The following ZRANB3 variants were observed in gnomAD, a reference collection of about 807,000 sequenced individuals.
ZRANB3 encodes DNA annealing helicase and endonuclease ZRANB3.
A neutral mutation model predicts 133.8 loss-of-function variants in ZRANB3; 125 were observed. The observed-to-expected ratio is 0.93, with a 90% confidence interval of 0.81 to 1.08. The LOEUF is 1.08. Among genes scored for constraint, ZRANB3 ranks in the 50% least tolerant of loss-of-function variants. The pLI is 0.00. For synonymous variants in ZRANB3, 387 were observed against 432.7 expected (o/e 0.89, Z 1.31); for missense variants, 1,229 against 1,275.5 (o/e 0.96, Z 0.56).
intron 2 of ZRANB3, among the ~76,000 whole-genome samples, chr2:135,405,540 C>T (rs1229786972): frequency 1.3e-5 from 2 of 152,170 alleles, no homozygotes; most frequent in East Asian, 1.9e-4. Context: ...CCACAGCACA[C>T]GTATTCCAAA....
intron 2 of ZRANB3, among the ~76,000 whole-genome samples, chr2:135,418,925 C>CTTTTTTTTTTTTTTTTTTTTTTTT (rs769271961): frequency 3.5e-5 from 3 of 85,900 alleles, no homozygotes; most frequent in African/African-American, 1.4e-4. Flanking sequence ...AGGATTCTCT[C>CTTTTTTTTTTTTTTTTTTTTTTTT]TTTTTTTTTT....
chr2:135,479,139 G>C (rs1279700294), intron 2 of ZRANB3, among the ~76,000 whole-genome samples: 5 of 151,482 alleles, frequency 3.3e-5, no homozygotes, highest in Non-Finnish European at 7.4e-5. Context: ...CATTCTGGTG[G>C]ATATGTATGT....
In ZRANB3 at chr2:135,345,563, T is replaced by A; in HGVS notation, c.664A>T (p.Asn222Tyr). The A allele has an allele frequency of 6.2e-7, 1 of 1,611,970 alleles. No individual in the cohort carries two copies. The highest frequency in any genetic ancestry group is 8.5e-7 in the Non-Finnish European group (1 of 1,178,808). ...RWTDYAKRYC[N>Y]AHIRYFGKRP... is the part of the protein sequence containing the mutation. Reference sequence around the variant, plus strand: ...AGTTTAACTTACCTGATGTGTGCATTACAGTATCTTTTTGCATAGTCGGTC... The same window carrying A: ...AGTTTAACTTACCTGATGTGTGCATAACAGTATCTTTTTGCATAGTCGGTC... Residue 222 changes from asparagine to tyrosine, a missense_variant, in exon 6 of 21, where the codon AAT becomes TAT. Transcript: ENST00000264159.
At chr2:135,528,340 A>T (rs897119060) in intron 1 of ZRANB3, among the ~76,000 whole-genome samples, 7 of 151,900 alleles carry the variant, frequency 4.6e-5, no homozygotes, top group Admixed American at 3.9e-4. Context: ...TAGAGACTGA[A>T]ATTTCCTATG....
Position 135,431,835 on chromosome 2 carries a change from G to C in ZRANB3, c.162-41015C>G, listed in dbSNP as rs553343022. ...TGCTGGCAAGGATGCAAAGTCACTA[G>C]AACCTCATGTATTTGCTGGTGGAAA... On this transcript the variant is annotated intron_variant, in intron 2 of 20. Coordinates refer to ENST00000264159, the MANE Select transcript of ZRANB3 (RefSeq NM_032143.4). 2.2e-4 allele frequency among the ~76,000 whole-genome samples: 34 copies of C among 152,256 alleles called. No individual in the cohort carries two copies. In the South Asian group the frequency reaches 2.5e-3, roughly 11 times the overall value.
chr2:135,277,294 A>C (rs1680873517), intron 8 of ZRANB3, among the ~76,000 whole-genome samples: 1 of 152,218 alleles, frequency 6.6e-6, no homozygotes, highest in South Asian at 2.1e-4. Flanking sequence ...TTTCCCAGGG[A>C]GACATCCCAT....
At chr2:135,364,249 A>T (rs759880144) in intron 3 of ZRANB3, among the ~76,000 whole-genome samples, 8 of 152,184 alleles carry the variant, frequency 5.3e-5, no homozygotes, top group Non-Finnish European at 4.4e-5. Context: ...AAAAAATCTT[A>T]GCTTTGCCTA....
chr2:135,202,719 C>T, intron 20 of ZRANB3, 113 bp downstream of exon 20: 1 of 1,326,682 alleles, frequency 7.5e-7, no homozygotes, highest in Non-Finnish European at 1.0e-6. Flanking sequence ...TAAAATGTGC[C>T]TCGAATCTCA....
intron 2 of ZRANB3, among the ~76,000 whole-genome samples, chr2:135,427,388 C>T (rs1203999727): frequency 6.6e-6 from 1 of 152,038 alleles, no homozygotes; most frequent in East Asian, 1.9e-4. Context: ...AATCAATGTA[C>T]AAAAATCAAC....
chr2:135,211,866 C>T (rs555371326), intron 17 of ZRANB3, among the ~76,000 whole-genome samples: 1 of 152,272 alleles, frequency 6.6e-6, no homozygotes, highest in East Asian at 1.9e-4. Flanking sequence ...CATTATGTAT[C>T]TATAGAATAA....
chr2:135,312,322 C>T (rs1393623106), intron 8 of ZRANB3, among the ~76,000 whole-genome samples: 1 of 151,816 alleles, frequency 6.6e-6, no homozygotes, highest in Non-Finnish European at 1.5e-5. Flanking sequence ...CTCAGCCTCC[C>T]AAGTAACTAG....
intron 2 of ZRANB3, among the ~76,000 whole-genome samples, chr2:135,441,821 C>T (rs1336401297): frequency 6.6e-6 from 1 of 152,078 alleles, no homozygotes; most frequent in Non-Finnish European, 1.5e-5. Flanking sequence ...TAAAAATTTA[C>T]ATTGGTAAGC....
At chr2:135,440,375 G>A (rs1335488252) in intron 2 of ZRANB3, among the ~76,000 whole-genome samples, 10 of 151,952 alleles carry the variant, frequency 6.6e-5, no homozygotes, top group Non-Finnish European at 2.9e-5. Context: ...CACCAGCCTG[G>A]GCGACAGAGC....
intron 8 of ZRANB3, among the ~76,000 whole-genome samples, chr2:135,296,054 T>C (rs6757155): frequency 0.056 from 8,568 of 152,212 alleles, 462 homozygotes; most frequent in African/African-American, 0.14. Context: ...CAATTGTGTA[T>C]CTTGGAGTTG....
chr2:135,450,568 T>C (rs968693763), intron 2 of ZRANB3, among the ~76,000 whole-genome samples: 21 of 152,182 alleles, frequency 1.4e-4, no homozygotes, highest in South Asian at 8.3e-4. Flanking sequence ...CTTAAAACTA[T>C]AGAAAGAGTT....
At chr2:135,461,716 T>C (rs535994608) in intron 2 of ZRANB3, among the ~76,000 whole-genome samples, 1 of 152,318 alleles carries the variant, frequency 6.6e-6, no homozygotes, top group African/African-American at 2.4e-5. Context: ...CAGCTCTACG[T>C]AGCATCGTAG....
At chr2:135,457,254 G>A (rs1690564991) in intron 2 of ZRANB3, among the ~76,000 whole-genome samples, 1 of 152,140 alleles carries the variant, frequency 6.6e-6, no homozygotes, top group South Asian at 2.1e-4. Context: ...GAAAAATAGT[G>A]AAAGACCAAA....
Position 135,504,468 on chromosome 2 carries a change from T to G in ZRANB3, c.22A>C (p.Lys8Gln). 1 of 1,613,182 alleles carries G rather than the reference T, an allele frequency of 6.2e-7. No homozygotes were observed. Among genetic ancestry groups the G allele is most frequent in the Non-Finnish European group, 8.5e-7 (1 of 1,179,622 alleles). Residue 8 changes from lysine to glutamine, a missense_variant, in exon 2 of 21, where the codon AAA becomes CAA. Physicochemically the swap from Lys to Gln is moderately conservative, Grantham distance 53. Coordinates refer to ENST00000264159, the MANE Select transcript of ZRANB3 (RefSeq NM_032143.4). MPRVHNI[K>Q]KSLTPHISCV... ...GAAATGTGAGGTGTAAGAGACTTTT[T>G]TATGTTATGAACCCTAGGCATGATG...
At chr2:135,387,809 A>G (rs1264308329) in intron 3 of ZRANB3, among the ~76,000 whole-genome samples, 1 of 152,228 alleles carries the variant, frequency 6.6e-6, no homozygotes, top group Non-Finnish European at 1.5e-5. Context: ...ATGGTTTTGA[A>G]AGATGACAAC....
Sources: gnomAD v4.1 joint callset for allele counts (sites outside exome capture counted in the v4.1 genomes callset) on GRCh38, gnomAD v4.1.1 for gene constraint, MANE v1.5 for transcripts, NCBI Gene and HGNC (gene_info 2026-07-23, HGNC 2026-07-21) for gene names.